Variants in MSRA observed in about 807,000 individuals in gnomAD.
The protein encoded by MSRA is methionine sulfoxide reductase A.
Under a neutral mutation model 31.3 loss-of-function variants are expected in MSRA, and 54 were observed. The ratio of observed to expected loss-of-function variants is 1.73; its 90% CI spans 1.39 to 2.17. MSRA has a LOEUF of 2.17. Ranked by LOEUF, MSRA falls within the 30% of genes most tolerant of loss-of-function variation. The pLI is 0.00. For missense variants in MSRA, 507 were observed against 300.9 expected (o/e 1.69, Z -5.07); for synonymous variants, 169 against 116.5 (o/e 1.45, Z -2.90).
intron 1 of MSRA, among the ~76,000 whole-genome samples, chr8:10,063,953 C>G (rs1335771190): frequency 6.6e-6 from 1 of 152,210 alleles, no homozygotes; most frequent in Non-Finnish European, 1.5e-5. Flanking sequence ...TCTGCCGCCC[C>G]TTGGGGCTGT....
At chr8:10,127,838 T>C (rs1315057209) in intron 1 of MSRA, among the ~76,000 whole-genome samples, 1 of 152,202 alleles carries the variant, frequency 6.6e-6, no homozygotes, top group Admixed American at 6.5e-5. Context: ...ATCTTGATGG[T>C]GTTTTGAAAC....
At position 10,191,530 on chromosome 8, in the gene MSRA, G is replaced by C. The variant is rs1200253531; in HGVS notation, c.143-16303G>C. 3.3e-5 allele frequency among the ~76,000 whole-genome samples: 5 copies of C among 152,188 alleles called. No homozygotes were observed. In the East Asian group the frequency reaches 9.6e-4, roughly 29 times the overall value. The stretch of plus-strand genomic sequence containing the variant: ...AAAAATTGCCAGAATTATTACAAAA[G>C]TGCTAAAAGCCCTACTTTGATATCT... On this transcript the variant is annotated intron_variant, in intron 1 of 5. Transcript: ENST00000317173.
chr8:10,216,511 C>T (rs558392430), intron 2 of MSRA, among the ~76,000 whole-genome samples: 1 of 152,300 alleles, frequency 6.6e-6, no homozygotes, highest in African/African-American at 2.4e-5. Flanking sequence ...CCCATCACCA[C>T]CATCTAGCTC....
intron 1 of MSRA, among the ~76,000 whole-genome samples, chr8:10,132,608 C>T (rs1801979911): frequency 6.6e-6 from 1 of 152,104 alleles, no homozygotes; most frequent in African/African-American, 2.4e-5. Flanking sequence ...TCTTGCTGAA[C>T]AGAGAGAGAG....
intron 1 of MSRA, among the ~76,000 whole-genome samples, chr8:10,101,901 C>T (rs1364844978): frequency 1.3e-5 from 2 of 152,036 alleles, no homozygotes; most frequent in Non-Finnish European, 2.9e-5. Context: ...TGAGTATATC[C>T]CCAAAAGTGG....
At position 10,400,710 on chromosome 8, in the gene MSRA, T is replaced by C. The variant is rs147725524; in HGVS notation, c.544-27438T>C. On this transcript the variant is annotated intron_variant, in intron 5 of 5. Coordinates refer to ENST00000317173, the MANE Select transcript of MSRA (RefSeq NM_012331.5). ...TAGACAGGAAGGCTGAACCCTCACA[T>C]CTGTGGTCAATTGATTTTTGACAAG... is the stretch of plus-strand genomic sequence containing the variant. 8.5e-5 allele frequency among the ~76,000 whole-genome samples: 13 copies of C among 152,250 alleles called. 1 individual carries two copies. The East Asian group carries it at 2.5e-3, about 29-fold the overall frequency.
chr8:10,150,781 GC>G (rs562293774), intron 1 of MSRA, among the ~76,000 whole-genome samples: 19 of 152,286 alleles, frequency 1.2e-4, no homozygotes, highest in Non-Finnish European at 2.5e-4. Flanking sequence ...AAAAAGCACA[GC>G]CTTTTCTCTT....
chr8:10,239,387 C>G (rs749696982), intron 2 of MSRA, among the ~76,000 whole-genome samples: 2 of 152,224 alleles, frequency 1.3e-5, no homozygotes, highest in Admixed American at 6.5e-5. Flanking sequence ...GCCTCGATGT[C>G]TTGACCTTGT....
intron 3 of MSRA, among the ~76,000 whole-genome samples, chr8:10,288,737 G>C (rs1381387568): frequency 6.6e-6 from 1 of 152,134 alleles, no homozygotes; most frequent in Non-Finnish European, 1.5e-5. Flanking sequence ...TTTAGTTAGA[G>C]CCATGCTTCC....
At chr8:10,297,901 C>T (rs745657312) in intron 3 of MSRA, among the ~76,000 whole-genome samples, 6 of 152,174 alleles carry the variant, frequency 3.9e-5, no homozygotes, top group Admixed American at 6.6e-5. Context: ...TTGACAGCCT[C>T]GTGTCAGTTA....
At chr8:10,331,583 C>G (rs891209723) in intron 5 of MSRA, among the ~76,000 whole-genome samples, 4 of 152,146 alleles carry the variant, frequency 2.6e-5, no homozygotes, top group Non-Finnish European at 5.9e-5. Flanking sequence ...TCATTTGACA[C>G]TGAATTCCAT....
chr8:10,406,671 A>T (rs1218616612), intron 5 of MSRA, among the ~76,000 whole-genome samples: 2 of 152,142 alleles, frequency 1.3e-5, no homozygotes, highest in Non-Finnish European at 2.9e-5. Flanking sequence ...CTACTTTCAA[A>T]CACAAAAGGT....
chr8:10,158,731 G>A (rs765759100), intron 1 of MSRA, among the ~76,000 whole-genome samples: 11 of 152,106 alleles, frequency 7.2e-5, no homozygotes, highest in Non-Finnish European at 1.2e-4. Context: ...GTTTTCCTTT[G>A]TCTTAGATAT....
intron 5 of MSRA, among the ~76,000 whole-genome samples, chr8:10,369,944 C>G (rs1479043058): frequency 6.6e-6 from 1 of 152,230 alleles, no homozygotes; most frequent in East Asian, 1.9e-4. Context: ...TAACTAACCA[C>G]AAGTCAAGGT....
intron 4 of MSRA, among the ~76,000 whole-genome samples, chr8:10,309,446 GA>G (rs1223843167): frequency 5.9e-5 from 9 of 152,306 alleles, no homozygotes; most frequent in Admixed American, 5.9e-4. Flanking sequence ...GTTCTTTCGT[GA>G]ATCCCAGTAT....
intron 5 of MSRA, among the ~76,000 whole-genome samples, chr8:10,350,311 G>A (rs748447492): frequency 2.0e-5 from 3 of 152,244 alleles, no homozygotes; most frequent in Non-Finnish European, 2.9e-5. Context: ...GCGCTTCACA[G>A]CTTGCACTAG....
chr8:10,170,000 C>G (rs1383542507), intron 1 of MSRA, among the ~76,000 whole-genome samples: 1 of 142,156 alleles, frequency 7.0e-6, no homozygotes, highest in East Asian at 2.1e-4. Context: ...ACTGCAACTT[C>G]TACCTCCTGG....
intron 4 of MSRA, among the ~76,000 whole-genome samples, chr8:10,315,956 C>G (rs1801688411): frequency 6.6e-6 from 1 of 152,208 alleles, no homozygotes; most frequent in South Asian, 2.1e-4. Context: ...ATGAAGAAAT[C>G]ACCACATCTT....
At chr8:10,420,296 T>G (rs1471658446) in intron 5 of MSRA, among the ~76,000 whole-genome samples, 1 of 151,602 alleles carries the variant, frequency 6.6e-6, no homozygotes, top group South Asian at 2.1e-4. Flanking sequence ...ACAGGGAAGT[T>G]TTTTTGTTTT....
Sources: gnomAD v4.1 joint callset for allele counts (sites outside exome capture counted in the v4.1 genomes callset) on GRCh38, gnomAD v4.1.1 for gene constraint, MANE v1.5 for transcripts, NCBI Gene and HGNC (gene_info 2026-07-23, HGNC 2026-07-21) for gene names.